The following OSBPL9 variants were observed in gnomAD, a reference collection of about 807,000 sequenced individuals.
OSBPL9 encodes oxysterol binding protein like 9.
In OSBPL9, 40 loss-of-function variants were observed where a neutral mutation model predicts 106.6. The observed-to-expected ratio is 0.38, with a 90% confidence interval of 0.29 to 0.49. The LOEUF is 0.49. OSBPL9 is among the 20% of genes least tolerant of loss of function. The pLI is 0.97. For missense variants in OSBPL9, 609 were observed against 887.2 expected (o/e 0.69, Z 3.98); for synonymous variants, 269 against 295.4 (o/e 0.91, Z 0.92).
chr1:51,662,351 G>C (rs899146263), intron 2 of OSBPL9, among the ~76,000 whole-genome samples: 5 of 152,058 alleles, frequency 3.3e-5, no homozygotes, highest in African/African-American at 1.2e-4. Context: ...GGAAGAGAGA[G>C]ACAGAAATTG....
intron 8 of OSBPL9, among the ~76,000 whole-genome samples, chr1:51,752,214 C>G (rs1669393495): frequency 1.3e-5 from 2 of 151,894 alleles, no homozygotes; most frequent in Admixed American, 1.3e-4. Flanking sequence ...ATTTCTTTTT[C>G]TCAGGCAAGA....
At chr1:51,624,570 G>C (rs372814404) in intron 1 of OSBPL9, among the ~76,000 whole-genome samples, 12 of 152,116 alleles carry the variant, frequency 7.9e-5, no homozygotes, top group East Asian at 7.8e-4. Flanking sequence ...GGGTGACAGA[G>C]TGAGACTCTG....
At chr1:51,779,541 A>G (rs1675828228) in intron 15 of OSBPL9, among the ~76,000 whole-genome samples, 1 of 152,236 alleles carries the variant, frequency 6.6e-6, no homozygotes, top group South Asian at 2.1e-4. Flanking sequence ...AGATAAATAG[A>G]TGGAACTTAG....
chr1:51,748,945 C>T (rs557818949), intron 7 of OSBPL9, among the ~76,000 whole-genome samples: 14 of 152,058 alleles, frequency 9.2e-5, no homozygotes, highest in Admixed American at 2.0e-4. Flanking sequence ...ATTATCCAGG[C>T]GTGGTGGCTT....
chr1:51,546,448 A>G, the OSBPL9 span, among the ~76,000 whole-genome samples: 2 of 152,208 alleles, frequency 1.3e-5, no homozygotes. Context: ...CTGTAATCCC[A>G]GCACTTTGGG....
chr1:51,726,416 C>CT (rs1442749016), intron 4 of OSBPL9, among the ~76,000 whole-genome samples: 5 of 151,926 alleles, frequency 3.3e-5, no homozygotes, highest in East Asian at 3.9e-4. Context: ...ATTTTTTCTT[C>CT]TTTTTTTTCT....
At chr1:51,774,694 A>G (rs896432720) in intron 14 of OSBPL9, among the ~76,000 whole-genome samples, 1 of 152,152 alleles carries the variant, frequency 6.6e-6, no homozygotes, top group Non-Finnish European at 1.5e-5. Flanking sequence ...GGGCCTCCTC[A>G]CAGCTAAGAA....
the OSBPL9 span, among the ~76,000 whole-genome samples, chr1:51,536,438 G>A: frequency 6.6e-6 from 1 of 152,020 alleles, no homozygotes; most frequent in Non-Finnish European, 1.5e-5. Context: ...TTCCAGACTA[G>A]CTAGCTAGTA....
chr1:51,628,592 AAAAAAGAAAAGAG>A (rs1644913943), intron 1 of OSBPL9, among the ~76,000 whole-genome samples: 1 of 152,120 alleles, frequency 6.6e-6, no homozygotes. Flanking sequence ...TCAAAAAAAT[AAAAAAGAAAAGAG>A]AAAAAGAAAA....
chr1:51,615,372 T>A (rs1455801933), upstream of OSBPL9, among the ~76,000 whole-genome samples: 1 of 152,250 alleles, frequency 6.6e-6, no homozygotes, highest in Non-Finnish European at 1.5e-5. Context: ...TTCTTTCTTG[T>A]TACTTTGGAT....
chr1:51,693,389 A>G (rs368087524), intron 3 of OSBPL9, among the ~76,000 whole-genome samples: 88 of 151,588 alleles, frequency 5.8e-4, no homozygotes, highest in East Asian at 2.7e-3. Flanking sequence ...AAAAAAAAAA[A>G]AGAGAGAGAG....
chr1:51,705,402 T>TA (rs1658307039), intron 3 of OSBPL9, among the ~76,000 whole-genome samples: 1 of 75,254 alleles, frequency 1.3e-5, no homozygotes, highest in Non-Finnish European at 2.6e-5. Flanking sequence ...TATATATATT[T>TA]TTTTTTTTTT....
Position 51,729,969 on chromosome 1 carries a change from T to C in OSBPL9, c.319-15567T>C. 1 of 1,316,778 alleles carries C rather than the reference T, an allele frequency of 7.6e-7. No homozygotes were observed. Among genetic ancestry groups the C allele is most frequent in the Non-Finnish European group, 9.8e-7 (1 of 1,024,960 alleles). The allele number at this position is 1,316,778 out of a possible 1,614,324, so 81.6% of individuals were successfully genotyped here. On this transcript the variant is annotated intron_variant, in intron 4 of 23. Coordinates refer to ENST00000428468, the MANE Select transcript of OSBPL9 (RefSeq NM_024586.6). This position sits in a 1 kb window ranked among gnomAD's most constrained non-coding sequence, Gnocchi z 5.1. ...CTGGAGGCACAGAGGGCGGGGGCCT[T>C]GGCGAATGGCTTTCTTGCTGGCCAC...
At chr1:51,598,442 C>G (rs1345783577) in intron 2 of OSBPL9, among the ~76,000 whole-genome samples, 1 of 152,174 alleles carries the variant, frequency 6.6e-6, no homozygotes, top group Non-Finnish European at 1.5e-5. Context: ...CCAGATAATT[C>G]TGTGTGTGGT....
rs147781866 is a variant in OSBPL9 at position 51,713,135 on chromosome 1, T to A, written c.242-868T>A. Among the ~76,000 whole-genome samples the A allele has an allele frequency of 7.7e-3, 1,169 of 152,150 alleles. 8 individuals carry two copies. The highest frequency in any genetic ancestry group is 0.011 in the Non-Finnish European group (750 of 67,984). On this transcript the variant is annotated intron_variant, in intron 3 of 23. Transcript: ENST00000428468. ...GCTTGTGTGGTTGGTTTTTTTTGTT[T>A]TTTTATTTTATTTTATTTTATTTAT...
At chr1:51,591,613 C>T (rs899031174) in intron 1 of OSBPL9, among the ~76,000 whole-genome samples, 12 of 152,152 alleles carry the variant, frequency 7.9e-5, no homozygotes, top group Admixed American at 2.0e-4. Context: ...TCAAAAGCAG[C>T]GTGGCCAACA....
In OSBPL9 at chr1:51,788,432, G is replaced by T. The variant is rs1176193497; in HGVS notation, c.*643G>T. On this transcript the variant is annotated 3_prime_UTR_variant, in exon 24 of 24. Coordinates refer to ENST00000428468, the MANE Select transcript of OSBPL9 (RefSeq NM_024586.6). ...TAATTAATTATTCTTAGTGCTTAAG[G>T]CTTCATAAAGTAATTTTTCCAACCT... 1 of 152,448 alleles carries T rather than the reference G, an allele frequency of 6.6e-6. No individual in the cohort carries two copies. The highest frequency in any genetic ancestry group is 2.4e-5 in the African/African-American group (1 of 41,372). The allele number at this position is 152,448 out of a possible 1,614,324, so 9.4% of individuals were successfully genotyped here.
chr1:51,726,917 A>G (rs1367363158), intron 4 of OSBPL9, among the ~76,000 whole-genome samples: 1 of 152,126 alleles, frequency 6.6e-6, no homozygotes. Flanking sequence ...TTTAAATGCT[A>G]CCTCTTTTAT....
At chr1:51,694,475 G>T (rs992693948) in intron 3 of OSBPL9, among the ~76,000 whole-genome samples, 2 of 152,146 alleles carry the variant, frequency 1.3e-5, no homozygotes, top group Non-Finnish European at 2.9e-5. Flanking sequence ...AGATAACTGC[G>T]AATATTCTTT....
Sources: gnomAD v4.1 joint callset for allele counts (sites outside exome capture counted in the v4.1 genomes callset) on GRCh38, gnomAD v4.1.1 for gene constraint, Gnocchi (gnomAD v3.1) non-coding constraint, MANE v1.5 for transcripts, NCBI Gene and HGNC (gene_info 2026-07-23, HGNC 2026-07-21) for gene names.